Variants in MPP7 observed in about 807,000 individuals in gnomAD.
MPP7 encodes the protein MAGUK p55 subfamily member 7.
Under a neutral mutation model 76.5 loss-of-function variants are expected in MPP7, and 60 were observed. That is an observed-to-expected ratio of 0.78 (90% CI 0.64 to 0.97). MPP7 has a LOEUF of 0.97. Among genes scored for constraint, MPP7 ranks in the 50% least tolerant of loss-of-function variants. The pLI is 0.00. For missense variants in MPP7, 641 were observed against 694.0 expected (o/e 0.92, Z 0.86); for synonymous variants, 237 against 244.5 (o/e 0.97, Z 0.29).
intron 3 of MPP7, among the ~76,000 whole-genome samples, chr10:28,167,313 AAAAACAAAC>A (rs1246201878): frequency 1.7e-5 from 1 of 57,840 alleles, no homozygotes; most frequent in Non-Finnish European, 3.4e-5. Flanking sequence ...TCTGCCTCAA[AAAAACAAAC>A]AAACAAACAA....
chr10:28,268,974 T>C (rs559703473), intron 1 of MPP7, among the ~76,000 whole-genome samples: 30 of 152,274 alleles, frequency 2.0e-4, no homozygotes, highest in African/African-American at 7.2e-4. Context: ...ATGAAACTAC[T>C]CTTCCTTCAG....
intron 1 of MPP7, among the ~76,000 whole-genome samples, chr10:28,290,285 C>CTT (rs1840885701): frequency 7.1e-6 from 1 of 140,986 alleles, no homozygotes; most frequent in African/African-American, 2.7e-5. Context: ...TTTTTACTTT[C>CTT]CTTTTTTTTT....
intron 1 of MPP7, among the ~76,000 whole-genome samples, chr10:28,333,974 C>T (rs1055607333): frequency 3.9e-5 from 6 of 152,102 alleles, no homozygotes; most frequent in African/African-American, 1.4e-4. Flanking sequence ...GGGCGGATCA[C>T]TTGAGGTCAG....
intron 2 of MPP7, among the ~76,000 whole-genome samples, chr10:28,209,831 T>C (rs1034669738): frequency 6.6e-6 from 1 of 152,192 alleles, no homozygotes; most frequent in African/African-American, 2.4e-5. Context: ...TGGTAAGACA[T>C]TATTTCTGGG....
intron 11 of MPP7, among the ~76,000 whole-genome samples, chr10:28,108,660 TAATAA>T (rs3063306): frequency 0.12 from 18,465 of 150,580 alleles, 1,661 homozygotes; most frequent in East Asian, 0.25. Flanking sequence ...CTGTCTCAAA[TAATAA>T]AATAAAATAA....
chr10:28,309,945 A>C (rs2616614), intron 2 of MPP7, among the ~76,000 whole-genome samples: 7,624 of 151,538 alleles, frequency 0.05, 264 homozygotes, highest in Middle Eastern at 0.1. Flanking sequence ...GAAACTGAGC[A>C]GATGCTGGCG....
chr10:28,089,841 G>C lies in MPP7; in HGVS notation c.953C>G (p.Ser318Cys), dbSNP rs769464296. 2.8e-5 allele frequency: 39 copies of C among 1,405,294 alleles called. 1 individual carries two copies. The South Asian group carries it at 4.8e-4, about 17-fold the overall frequency. 87.1% of individuals were successfully genotyped at this position (1,405,294 alleles called of 1,614,324 possible). A position where few individuals can be genotyped will look rare whatever the true frequency, so the allele number is the denominator to read the frequency against. ...QPLKVSNRKS[S>C]GFRKSFRLSR... Reference sequence around the variant, plus strand: ...AAGACGAAAACTTTTTCTAAAACCAGCTGCAAATATTAAAATAAATATATT... The same window carrying C: ...AAGACGAAAACTTTTTCTAAAACCACCTGCAAATATTAAAATAAATATATT... The change falls in exon 12 of 17, where the codon TCT becomes TGT. Residue 318 changes from serine (S) to cysteine (C), a missense_variant and splice_region_variant. Transcript: ENST00000683449.
intron 2 of MPP7, among the ~76,000 whole-genome samples, chr10:28,209,183 G>T (rs11006919): frequency 6.6e-6 from 1 of 151,996 alleles, no homozygotes; most frequent in Non-Finnish European, 1.5e-5. Context: ...TTGCCCAGTC[G>T]CAAGTATTCC....
chr10:28,254,981 T>C lies in MPP7; in HGVS notation c.-131-16246A>G, dbSNP rs1025713482. 3.9e-5 allele frequency: 6 copies of C among 152,188 alleles called. No homozygotes were observed. The South Asian group carries it at 6.2e-4, about 16-fold the overall frequency. The allele number at this position is 152,188 out of a possible 1,614,324, so 9.4% of individuals were successfully genotyped here. A position where few individuals can be genotyped will look rare whatever the true frequency, so the allele number is the denominator to read the frequency against. ...ATAATGGTGGGGAGTAGGATTCCAG[T>C]AGGAAGCTAATAATAAAAATACATT... On this transcript the variant is annotated intron_variant, in intron 1 of 16. Transcript: ENST00000683449.
At chr10:28,213,722 G>A (rs1159746606) in intron 2 of MPP7, among the ~76,000 whole-genome samples, 2 of 151,198 alleles carry the variant, frequency 1.3e-5, no homozygotes, top group Admixed American at 1.3e-4. Flanking sequence ...AACCTGGGAG[G>A]TGGAGGCTGC....
chr10:28,172,665 C>T (rs1360153995), intron 3 of MPP7, among the ~76,000 whole-genome samples: 4 of 152,128 alleles, frequency 2.6e-5, no homozygotes, highest in African/African-American at 7.2e-5. Flanking sequence ...CAAAAAAAGA[C>T]TTTCTGAGCT....
chr10:28,326,136 A>G (rs1834412178), intron 2 of MPP7, among the ~76,000 whole-genome samples: 1 of 152,192 alleles, frequency 6.6e-6, no homozygotes, highest in Admixed American at 6.5e-5. Flanking sequence ...GCTGCACACC[A>G]AAGATTTGGG....
At chr10:28,246,441 A>G (rs1029647280) in intron 1 of MPP7, among the ~76,000 whole-genome samples, 8 of 152,194 alleles carry the variant, frequency 5.3e-5, no homozygotes, top group African/African-American at 1.4e-4. Context: ...TACACATACT[A>G]AAGGGAGTCT....
chr10:28,154,190 A>G (rs1359564964), intron 3 of MPP7, among the ~76,000 whole-genome samples: 1 of 152,194 alleles, frequency 6.6e-6, no homozygotes, highest in Non-Finnish European at 1.5e-5. Flanking sequence ...CTCTTAAAGC[A>G]GACTTTCTTT....
intron 5 of MPP7, among the ~76,000 whole-genome samples, chr10:28,141,633 G>A (rs933425480): frequency 4.0e-5 from 6 of 151,854 alleles, no homozygotes; most frequent in South Asian, 2.1e-4. Context: ...TATGCATGCC[G>A]GCACACACGC....
Position 28,124,700 on chromosome 10 carries a change from G to C in MPP7, c.529+310C>G, listed in dbSNP as rs144854143. On this transcript the variant is annotated intron_variant, in intron 7 of 16. Coordinates refer to ENST00000683449, the MANE Select transcript of MPP7 (RefSeq NM_001318170.2). Reference sequence around the variant, plus strand: ...GGGTTTCACCGTGTTAGCCAGGATGGTATTGATCTCCTGACCTCGTGATCC... The same window carrying C: ...GGGTTTCACCGTGTTAGCCAGGATGCTATTGATCTCCTGACCTCGTGATCC... Among the ~76,000 whole-genome samples the C allele has an allele frequency of 8.6e-3, 1,300 of 151,488 alleles. 21 individuals carry two copies. The highest frequency in any genetic ancestry group is 0.03 in the African/African-American group (1,241 of 41,302).
intron 12 of MPP7, among the ~76,000 whole-genome samples, chr10:28,075,828 C>T (rs1427162237): frequency 6.6e-6 from 1 of 152,188 alleles, no homozygotes; most frequent in Admixed American, 6.5e-5. Flanking sequence ...TTGCCTGCTT[C>T]CTTGTCTTGA....
At chr10:28,323,613 G>C (rs1834386221) in intron 2 of MPP7, among the ~76,000 whole-genome samples, 1 of 152,146 alleles carries the variant, frequency 6.6e-6, no homozygotes, top group African/African-American at 2.4e-5. Context: ...GGGAGGCTAA[G>C]GTGAAGGGAT....
In MPP7 at chr10:28,053,141, AT is replaced by A; in HGVS notation, c.*923del. The A allele has an allele frequency of 6.6e-6, 1 of 152,334 alleles. No homozygotes were observed. The highest frequency in any genetic ancestry group is 6.5e-5 in the Admixed American group (1 of 15,298). The allele number at this position is 152,334 out of a possible 1,614,324, so 9.4% of individuals were successfully genotyped here. ...GTGATCTATTGCACATAGATGAAAAATAATCTTTAATTGTATCAGTAATATG... is the reference window on the plus strand; with the variant it reads ...GTGATCTATTGCACATAGATGAAAAAAATCTTTAATTGTATCAGTAATATG... On this transcript the variant is annotated 3_prime_UTR_variant, in exon 17 of 17. Coordinates refer to ENST00000683449, the MANE Select transcript of MPP7 (RefSeq NM_001318170.2).
Sources: allele counts gnomAD v4.1 joint callset (sites outside exome capture counted in the v4.1 genomes callset), GRCh38; gene constraint gnomAD v4.1.1; transcripts MANE v1.5; gene names NCBI Gene and HGNC (gene_info 2026-07-23, HGNC 2026-07-21).